Variants in RANBP2 observed in about 807,000 individuals in gnomAD.
The protein encoded by RANBP2 is RAN binding protein 2.
RANBP2 carries 57 observed loss-of-function variants against 303.6 expected under a neutral mutation model. The observed-to-expected ratio is 0.19, with a 90% CI of 0.15 to 0.23. The LOEUF is 0.23. Ranked by LOEUF, RANBP2 falls within the 10% of genes least tolerant of loss-of-function variation. RANBP2 has a pLI of 1.00. For missense variants in RANBP2, 3,138 were observed against 3,780.8 expected (o/e 0.83, Z 4.46); for synonymous variants, 1,167 against 1,301.5 (o/e 0.90, Z 2.23).
chr2:109,103,490 G>A, the RANBP2 span, among the ~76,000 whole-genome samples: 1 of 152,206 alleles, frequency 6.6e-6, no homozygotes. Context: ...GGCGGGTGGG[G>A]TGGGGGCTCA....
the RANBP2 span, among the ~76,000 whole-genome samples, chr2:109,470,361 C>G: frequency 6.6e-6 from 1 of 152,186 alleles, no homozygotes; most frequent in Non-Finnish European, 1.5e-5. Context: ...TCATCTTTTC[C>G]AGAGTTTTGC....
At position 108,766,362 on chromosome 2, in the gene RANBP2, A is replaced by G. The variant is rs774001120; in HGVS notation, c.5823A>G (p.Thr1941=). ...GCCGTGGTGTGATTTTTGGCCAAAC[A>G]AGTAGCACTTTTACATTTGCAGATC... is the stretch of plus-strand genomic sequence containing the variant. ...KNGRGVIFGQ[T]SSTFTFADLA... The change falls in exon 20 of 29, where the codon ACA becomes ACG. Residue 1941 remains threonine (T), a synonymous_variant. Coordinates refer to ENST00000283195, the MANE Select transcript of RANBP2 (RefSeq NM_006267.5). 24 of 1,611,902 alleles carry G rather than the reference A, an allele frequency of 1.5e-5. No homozygotes were observed. The highest frequency in any genetic ancestry group is 2.0e-5 in the Non-Finnish European group (24 of 1,179,864).
the RANBP2 span, among the ~76,000 whole-genome samples, chr2:109,339,205 TTTA>T: frequency 1.3e-5 from 2 of 151,432 alleles, no homozygotes; most frequent in Non-Finnish European, 1.5e-5. Context: ...CGGTATAACT[TTTA>T]TTGAAAAAAA....
At chr2:108,885,262 A>C in the RANBP2 span, 1 of 152,188 alleles carries the variant, frequency 6.6e-6, no homozygotes, top group East Asian at 1.9e-4. Context: ...GGGCCAGTGC[A>C]GTTTTCTTGC....
intron 23 of RANBP2, among the ~76,000 whole-genome samples, chr2:108,774,363 G>A (rs553468130): frequency 6.6e-6 from 1 of 152,310 alleles, no homozygotes; most frequent in Admixed American, 6.5e-5. Context: ...GGGAGGCTGA[G>A]TAGGAGGATT....
At chr2:108,808,776 A>G in the RANBP2 span, among the ~76,000 whole-genome samples, 2 of 152,048 alleles carry the variant, frequency 1.3e-5, no homozygotes, top group Admixed American at 6.5e-5. Context: ...TAGTTTGCAT[A>G]TATTTTCTCC....
the RANBP2 span, among the ~76,000 whole-genome samples, chr2:109,554,417 T>C: frequency 0.018 from 2,722 of 152,306 alleles, 74 homozygotes; most frequent in African/African-American, 0.061. Flanking sequence ...TCCAACCTGC[T>C]TACTCCAGTT....
the RANBP2 span, among the ~76,000 whole-genome samples, chr2:109,117,823 T>C: frequency 2.4e-3 from 373 of 152,340 alleles, no homozygotes; most frequent in Non-Finnish European, 2.5e-3. Flanking sequence ...ACAGTAATAT[T>C]TTCGATCCTG....
chr2:109,547,096 A>G, the RANBP2 span, among the ~76,000 whole-genome samples: 2 of 152,220 alleles, frequency 1.3e-5, no homozygotes, highest in South Asian at 2.1e-4. Flanking sequence ...ACCACCAAAG[A>G]CAACTTCAGA....
chr2:108,834,255 C>A, the RANBP2 span, among the ~76,000 whole-genome samples: 1 of 147,502 alleles, frequency 6.8e-6, no homozygotes, highest in Admixed American at 6.7e-5. Flanking sequence ...CTCTGTCACA[C>A]GAGCTGGAGT....
At chr2:109,130,049 C>T in the RANBP2 span, 2 of 1,362,988 alleles carry the variant, frequency 1.5e-6, no homozygotes, top group South Asian at 1.7e-5. Flanking sequence ...CTCTCCGCGG[C>T]CGCGGGCAGC....
At chr2:109,119,040 C>T in the RANBP2 span, among the ~76,000 whole-genome samples, 68 of 152,318 alleles carry the variant, frequency 4.5e-4, no homozygotes, top group African/African-American at 1.6e-3. Context: ...ATCCACCAGG[C>T]TTTTCTTGGA....
chr2:109,701,988 C>T, the RANBP2 span, among the ~76,000 whole-genome samples: 1 of 152,200 alleles, frequency 6.6e-6, no homozygotes, highest in Admixed American at 6.5e-5. Flanking sequence ...GTACAGTAAA[C>T]AATCACCTAC....
At chr2:108,962,790 C>A in the RANBP2 span, among the ~76,000 whole-genome samples, 1 of 151,848 alleles carries the variant, frequency 6.6e-6, no homozygotes, top group East Asian at 1.9e-4. Flanking sequence ...TTTTCAAAAC[C>A]AACCGCAGTA....
chr2:109,220,561 A>C, the RANBP2 span, among the ~76,000 whole-genome samples: 1 of 152,210 alleles, frequency 6.6e-6, no homozygotes, highest in South Asian at 2.1e-4. Context: ...TATATAAAGA[A>C]CTTCTATAAC....
At chr2:108,967,543 C>A in the RANBP2 span, among the ~76,000 whole-genome samples, 233 of 152,042 alleles carry the variant, frequency 1.5e-3, no homozygotes, top group African/African-American at 5.3e-3. Context: ...GTCTTGTGCA[C>A]AACAAGTGAC....
chr2:109,706,611 T>G, the RANBP2 span, among the ~76,000 whole-genome samples: 1 of 152,228 alleles, frequency 6.6e-6, no homozygotes, highest in Non-Finnish European at 1.5e-5. Flanking sequence ...TGTTATTTAT[T>G]ATGGGCATTG....
At chr2:109,706,490 C>A in the RANBP2 span, among the ~76,000 whole-genome samples, 19 of 152,178 alleles carry the variant, frequency 1.2e-4, no homozygotes, top group Non-Finnish European at 5.9e-5. Context: ...TTGTTCAAGT[C>A]TTCCTACTGA....
At chr2:109,123,093 C>T in the RANBP2 span, among the ~76,000 whole-genome samples, 2 of 152,096 alleles carry the variant, frequency 1.3e-5, no homozygotes, top group African/African-American at 4.8e-5. Context: ...GCTGGGAGAT[C>T]ATGGAAGACT....
Sources: allele counts gnomAD v4.1 joint callset (sites outside exome capture counted in the v4.1 genomes callset), GRCh38; gene constraint gnomAD v4.1.1; transcripts MANE v1.5; gene names NCBI Gene and HGNC (gene_info 2026-07-23, HGNC 2026-07-21).